The following MLLT10 variants were observed in gnomAD, a reference collection of about 807,000 sequenced individuals.
MLLT10 encodes the protein protein AF-10.
In MLLT10, 30 loss-of-function variants were observed where a neutral mutation model predicts 129.1. The observed-to-expected ratio is 0.23, with a 90% confidence interval of 0.17 to 0.32. The LOEUF (loss-of-function observed/expected upper bound fraction) is 0.32, where lower values mean the gene tolerates loss of function less well. Ranked by LOEUF, MLLT10 falls within the 10% of genes least tolerant of loss-of-function variation. The pLI is 1.00. For synonymous variants in MLLT10, 490 were observed against 446.4 expected (o/e 1.10, Z -1.23); for missense variants, 1,119 against 1,268.3 (o/e 0.88, Z 1.79).
intron 4 of MLLT10, among the ~76,000 whole-genome samples, chr10:21,594,417 T>C (rs1481461331): frequency 6.6e-6 from 1 of 151,688 alleles, no homozygotes; most frequent in Non-Finnish European, 1.5e-5. Context: ...GGTGTGGTGG[T>C]GCATGCCTGT....
intron 13 of MLLT10, among the ~76,000 whole-genome samples, chr10:21,703,098 G>A (rs948707346): frequency 2.0e-5 from 3 of 151,878 alleles, no homozygotes. Flanking sequence ...AGTGAGTTTT[G>A]TACTTTTGTA....
At position 21,627,856 on chromosome 10, in the gene MLLT10, T is replaced by C. The variant is rs139430669; in HGVS notation, c.699+10649T>C. 2.6e-3 allele frequency among the ~76,000 whole-genome samples: 396 copies of C among 152,338 alleles called. 6 individuals carry two copies. The highest frequency in any genetic ancestry group is 0.024 in the Admixed American group (364 of 15,288). The stretch of plus-strand genomic sequence containing the variant: ...GCTTTTTACTATAAACAGTAAGAAA[T>C]AATTAGACTGCATCTTCCACCGAAT... On this transcript the variant is annotated intron_variant, in intron 8 of 22. Transcript: ENST00000307729.
At chr10:21,586,434 T>A in intron 4 of MLLT10, 86 bp downstream of exon 4, 1 of 1,068,444 alleles carries the variant, frequency 9.4e-7, no homozygotes, top group South Asian at 1.5e-5. Context: ...TATTTTATTT[T>A]ATCAAATTAA....
intron 3 of MLLT10, among the ~76,000 whole-genome samples, chr10:21,562,235 G>A (rs1009810066): frequency 3.3e-5 from 5 of 152,112 alleles, no homozygotes; most frequent in Admixed American, 2.6e-4. Flanking sequence ...ATGAGTTTTA[G>A]AACGTATTTT....
chr10:21,741,639 C>T (rs180962995), intron 22 of MLLT10, among the ~76,000 whole-genome samples: 10 of 152,300 alleles, frequency 6.6e-5, no homozygotes, highest in East Asian at 1.9e-4. Context: ...CTCTACAGTA[C>T]CATGTTACTT....
intron 9 of MLLT10, among the ~76,000 whole-genome samples, chr10:21,668,184 G>A (rs1470669352): frequency 6.6e-6 from 1 of 152,104 alleles, no homozygotes; most frequent in Non-Finnish European, 1.5e-5. Context: ...TACACTCAGA[G>A]CAGTGAGATG....
intron 9 of MLLT10, among the ~76,000 whole-genome samples, chr10:21,665,610 C>T (rs549914261): frequency 1.3e-5 from 2 of 151,788 alleles, no homozygotes; most frequent in South Asian, 2.1e-4. Flanking sequence ...TTTAAGGCAG[C>T]GTATAGTCAT....
At chr10:21,663,558 C>T (rs547450840) in intron 9 of MLLT10, among the ~76,000 whole-genome samples, 4 of 149,360 alleles carry the variant, frequency 2.7e-5, no homozygotes, top group East Asian at 4.0e-4. Context: ...TGTTTTTGTT[C>T]GTTTGTTTGT....
chr10:21,651,793 T>C (rs2049053392), intron 9 of MLLT10, 25 bp downstream of exon 9: 1 of 1,511,270 alleles, frequency 6.6e-7, no homozygotes, highest in South Asian at 1.2e-5. Context: ...TCATATTTTG[T>C]TTTATGTAAT....
chr10:21,652,088 A>G (rs1245247491), intron 9 of MLLT10, among the ~76,000 whole-genome samples: 1 of 151,328 alleles, frequency 6.6e-6, no homozygotes, highest in Non-Finnish European at 1.5e-5. Flanking sequence ...AATTTTTTGT[A>G]TCTTTAGTAG....
chr10:21,676,233 C>T (rs918435905), intron 11 of MLLT10, among the ~76,000 whole-genome samples: 11 of 151,706 alleles, frequency 7.3e-5, no homozygotes, highest in South Asian at 2.1e-4. Flanking sequence ...ATGGAGACCA[C>T]GGTGAAACCC....
chr10:21,673,501 A>C lies in MLLT10; in HGVS notation c.1203A>C (p.Lys401Asn), dbSNP rs747360026. The C allele has an allele frequency of 6.2e-7, 1 of 1,613,928 alleles. No homozygotes were observed. The highest frequency in any genetic ancestry group is 8.5e-7 in the Non-Finnish European group (1 of 1,179,964). Residue 401 changes from lysine to asparagine, a missense_variant, in exon 11 of 23, where the codon AAA (lysine) becomes AAC (asparagine). By Grantham distance (94) the Lys-to-Asn change is moderately conservative (BLOSUM62 0). Coordinates refer to ENST00000307729, the MANE Select transcript of MLLT10 (RefSeq NM_001195626.3). Reference protein sequence around the residue: ...QQSSATKDVHKGESGSQEGGV... With the variant: ...QQSSATKDVHNGESGSQEGGV... ...CATCAGCAACCAAAGATGTACATAA[A>C]GGAGAGTCTGGAAGCCAGGAAGGGG...
intron 4 of MLLT10, among the ~76,000 whole-genome samples, chr10:21,589,486 C>T (rs982400033): frequency 3.3e-5 from 5 of 152,060 alleles, no homozygotes; most frequent in Non-Finnish European, 7.4e-5. Context: ...GCCACTGCAC[C>T]TGGTGTAAAC....
At chr10:21,582,515 G>A (rs1252089085) in intron 3 of MLLT10, among the ~76,000 whole-genome samples, 1 of 152,178 alleles carries the variant, frequency 6.6e-6, no homozygotes, top group Non-Finnish European at 1.5e-5. Context: ...ACAGAATCAA[G>A]TGCTCAGTAC....
At chr10:21,676,980 G>T (rs1460530545) in intron 11 of MLLT10, among the ~76,000 whole-genome samples, 2 of 152,146 alleles carry the variant, frequency 1.3e-5, no homozygotes, top group Non-Finnish European at 2.9e-5. Context: ...AACTGCTGAT[G>T]AACACTTAGT....
chr10:21,611,106 C>T (rs1232265742), intron 5 of MLLT10, among the ~76,000 whole-genome samples: 1 of 149,850 alleles, frequency 6.7e-6, no homozygotes, highest in East Asian at 2.0e-4. Context: ...AAGCGACTCT[C>T]CTGCCTCAGC....
At chr10:21,651,057 GTT>G (rs2048980190) in intron 8 of MLLT10, among the ~76,000 whole-genome samples, 1 of 151,332 alleles carries the variant, frequency 6.6e-6, no homozygotes, top group Non-Finnish European at 1.5e-5. Context: ...GTTTTGTTTT[GTT>G]TTGTTTTGTT....
At chr10:21,539,292 A>G (rs981282755) in intron 3 of MLLT10, among the ~76,000 whole-genome samples, 16 of 152,224 alleles carry the variant, frequency 1.1e-4, no homozygotes, top group Admixed American at 3.9e-4. Flanking sequence ...TAATGGGAAA[A>G]AAACCCAATA....
At chr10:21,727,786 C>G (rs574104654) in intron 15 of MLLT10, 70 bp from the exon 16 acceptor site, 73 of 1,208,146 alleles carry the variant, frequency 6.0e-5, no homozygotes, top group Non-Finnish European at 8.2e-5. Flanking sequence ...TAGGAAAAAT[C>G]AGGGCAAGAG....
Sources: allele counts gnomAD v4.1 joint callset (sites outside exome capture counted in the v4.1 genomes callset), GRCh38; gene constraint gnomAD v4.1.1; transcripts MANE v1.5; gene names NCBI Gene and HGNC (gene_info 2026-07-23, HGNC 2026-07-21).